CIROP: variants seen among roughly 807,000 people sequenced by gnomAD.
CIROP encodes leishmanolysin homolog.
At chr14:23,103,567 T>TAAAACAAAAC in the CIROP span, 234,167 of 594,036 alleles carry the variant, frequency 0.39, 47,373 homozygotes, top group South Asian at 0.51. Flanking sequence ...AAAAGCAAAA[T>TAAAACAAAAC]AAAACAAAAC....
chr14:23,100,987 A>C, the CIROP span: 2 of 398,936 alleles, frequency 5.0e-6, no homozygotes, highest in Non-Finnish European at 8.8e-6. Context: ...GGGTTGAAAG[A>C]CTCACAGGTG....
the CIROP span, chr14:23,101,841 C>T: frequency 1.4e-6 from 1 of 702,876 alleles, no homozygotes; most frequent in Non-Finnish European, 2.6e-6. Flanking sequence ...AGCACACACA[C>T]CTGCCAGTAC....
chr14:23,102,530 T>C, the CIROP span: 1 of 699,150 alleles, frequency 1.4e-6, no homozygotes, highest in Non-Finnish European at 2.6e-6. Flanking sequence ...GAGGAAAACT[T>C]AGGAAGGGTG....
At chr14:23,104,581 C>G in the CIROP span, 3 of 699,934 alleles carry the variant, frequency 4.3e-6, no homozygotes, top group Non-Finnish European at 7.8e-6. Flanking sequence ...TCCCTGACAC[C>G]TCTGTTCCCT....
chr14:23,104,424 T>C, the CIROP span: 6 of 702,906 alleles, frequency 8.5e-6, no homozygotes, highest in Admixed American at 6.0e-5. Flanking sequence ...CCAGACAGCG[T>C]GGCAATACTG....
At chr14:23,103,579 A>AAACAT in the CIROP span, 1 of 624,796 alleles carries the variant, frequency 1.6e-6, no homozygotes. Flanking sequence ...AAACAAAACA[A>AAACAT]AACAAAACAA....
chr14:23,100,705 A>AAAAGAGATATAGTTAAAAGAGAT, the CIROP span: 4 of 398,932 alleles, frequency 1.0e-5, no homozygotes, highest in African/African-American at 8.2e-5. Context: ...TGAATCTTTT[A>AAAAGAGATATAGTTAAAAGAGAT]ATAGAGATAT....
At chr14:23,102,474 G>A in the CIROP span, 1 of 702,148 alleles carries the variant, frequency 1.4e-6, no homozygotes, top group Non-Finnish European at 2.6e-6. Flanking sequence ...TTGCCTTGTA[G>A]AACAGTTCTC....
the CIROP span, chr14:23,102,100 C>T: frequency 1.4e-6 from 1 of 702,952 alleles, no homozygotes; most frequent in African/African-American, 1.7e-5. Context: ...ACCCTGGCCC[C>T]ACAACAGCTC....
chr14:23,103,846 C>T, the CIROP span: 7 of 699,492 alleles, frequency 1.0e-5, no homozygotes, highest in African/African-American at 1.2e-4. Flanking sequence ...GTTGCATTAG[C>T]AGAGGGGCTG....
chr14:23,104,351 A>G, the CIROP span: 1 of 700,630 alleles, frequency 1.4e-6, no homozygotes, highest in South Asian at 1.5e-5. Flanking sequence ...TCCCTGAAAA[A>G]GAATTACATA....
the CIROP span, chr14:23,100,938 G>T: frequency 2.5e-6 from 1 of 399,004 alleles, no homozygotes; most frequent in Non-Finnish European, 4.4e-6. Flanking sequence ...TGTCCTGGAG[G>T]CCCAGCTAAT....
chr14:23,104,243 CT>C, the CIROP span: 1 of 659,856 alleles, frequency 1.5e-6, no homozygotes, highest in Non-Finnish European at 2.8e-6. Flanking sequence ...TCAATCTCAC[CT>C]TTGCCCCCAG....
chr14:23,102,562 C>G, the CIROP span: 53,963 of 701,858 alleles, frequency 0.077, 3,152 homozygotes, highest in African/African-American at 0.22. Flanking sequence ...GAAGGAAGGA[C>G]GTTATGAGAT....
At chr14:23,100,726 A>G in the CIROP span, 2 of 398,824 alleles carry the variant, frequency 5.0e-6, no homozygotes. Flanking sequence ...AGTTCCTGGC[A>G]GAGTATATCT....
the CIROP span, chr14:23,101,564 T>C: frequency 1.5e-6 from 1 of 678,606 alleles, no homozygotes; most frequent in Admixed American, 2.1e-5. Flanking sequence ...CAGCATTCAC[T>C]CTGAAGGGCA....
the CIROP span, chr14:23,099,262 C>G: frequency 2.2e-5 from 9 of 413,492 alleles, no homozygotes; most frequent in African/African-American, 1.4e-4. Flanking sequence ...TCCTTACCCC[C>G]TGTCATGTTC....
the CIROP span, chr14:23,100,785 A>G: frequency 7.5e-6 from 3 of 398,926 alleles, no homozygotes; most frequent in Non-Finnish European, 1.3e-5. Flanking sequence ...TCTTCAGAGG[A>G]GAGTCATAAA....
chr14:23,104,565 C>A, the CIROP span: 1 of 699,874 alleles, frequency 1.4e-6, no homozygotes, highest in South Asian at 1.5e-5. Flanking sequence ...CTCTGCTCCT[C>A]AACCCTCCCT....
Sources: allele counts gnomAD v4.1 joint callset, GRCh38; gene constraint gnomAD v4.1.1; transcripts MANE v1.5; gene names NCBI Gene and HGNC (gene_info 2026-07-23, HGNC 2026-07-21).